The following TMTC2 variants were observed in gnomAD, a reference collection of about 807,000 sequenced individuals.
The protein encoded by TMTC2 is transmembrane O-mannosyltransferase targeting cadherins 2, also known as protein O-mannosyl-transferase TMTC2.
TMTC2 carries 43 observed loss-of-function variants against 82.4 expected under a neutral mutation model. The observed-to-expected ratio is 0.52, with a 90% confidence interval of 0.41 to 0.67. The LOEUF (loss-of-function observed/expected upper bound fraction) is 0.67. TMTC2 is among the 30% of genes least tolerant of loss of function. TMTC2 has a pLI of 0.00. For missense variants in TMTC2, 919 were observed against 1,012.4 expected, an observed-to-expected ratio of 0.91 and a Z score of 1.25; for synonymous variants, 408 against 381.9, an observed-to-expected ratio of 1.07 and a Z score of -0.80.
chr12:82,949,363 T>C (rs1877221489), intron 4 of TMTC2, among the ~76,000 whole-genome samples: 1 of 152,212 alleles, frequency 6.6e-6, no homozygotes, highest in African/African-American at 2.4e-5. Flanking sequence ...TCCCAGAGGA[T>C]GAAGGAAATA....
At chr12:82,750,061 T>C (rs559269772) in intron 1 of TMTC2, among the ~76,000 whole-genome samples, 4 of 152,164 alleles carry the variant, frequency 2.6e-5, no homozygotes, top group African/African-American at 7.2e-5. Flanking sequence ...TTTTCAATCC[T>C]GTTTTGAAGA....
rs79623206 is a variant in TMTC2, at chr12:83,047,742, G to A, written c.2153-3162G>A. On this transcript the variant is annotated intron_variant, in intron 9 of 11. Transcript: ENST00000321196. Reference sequence around the variant, plus strand: ...CCCTACTAAAAATTATATGTTCCATGTAGTTTTTGGAAATTGTTTACAAAG... The same window carrying A: ...CCCTACTAAAAATTATATGTTCCATATAGTTTTTGGAAATTGTTTACAAAG... 6.1e-3 allele frequency among the ~76,000 whole-genome samples: 929 copies of A among 152,304 alleles called. 6 individuals carry two copies. The highest frequency in any genetic ancestry group is 0.021 in the African/African-American group (876 of 41,568).
Position 82,930,198 on chromosome 12 carries a change from C to T in TMTC2, c.1484-233C>T, listed in dbSNP as rs191459918. Among the ~76,000 whole-genome samples the T allele has an allele frequency of 1.4e-3, 211 of 152,276 alleles. 1 individual carries two copies. The highest frequency in any genetic ancestry group is 4.9e-3 in the African/African-American group (205 of 41,560). Reference sequence around the variant, plus strand: ...ACATTGTTCTTGGCCTTATGATGAACTGTATATGTATATCTGCTTTGAGAC... The same window carrying T: ...ACATTGTTCTTGGCCTTATGATGAATTGTATATGTATATCTGCTTTGAGAC... On this transcript the variant is annotated intron_variant, in intron 3 of 11. Coordinates refer to ENST00000321196, the MANE Select transcript of TMTC2 (RefSeq NM_152588.3).
chr12:82,700,589 A>T (rs1319321169), intron 1 of TMTC2, among the ~76,000 whole-genome samples: 1 of 152,182 alleles, frequency 6.6e-6, no homozygotes, highest in Non-Finnish European at 1.5e-5. Flanking sequence ...TTTTACCATT[A>T]TACACACACA....
intron 7 of TMTC2, among the ~76,000 whole-genome samples, chr12:82,980,703 A>G (rs538366669): frequency 1.9e-4 from 29 of 151,938 alleles, no homozygotes; most frequent in Middle Eastern, 3.4e-3. Context: ...AAAGTTCTAA[A>G]ACGTGTATAA....
chr12:82,749,233 C>T (rs1375460997), intron 1 of TMTC2, among the ~76,000 whole-genome samples: 1 of 152,186 alleles, frequency 6.6e-6, no homozygotes, highest in East Asian at 1.9e-4. Flanking sequence ...CCTTCTTTTC[C>T]TGCCTTGGGG....
intron 7 of TMTC2, among the ~76,000 whole-genome samples, chr12:82,975,897 T>TA (rs3068096): frequency 4.2e-4 from 64 of 151,600 alleles, no homozygotes; most frequent in African/African-American, 1.5e-3. Context: ...AACTTTTTTT[T>TA]AAAAAAAAAA....
rs573540781 is a variant in TMTC2 at position 82,874,169 on chromosome 12, G to A, written c.654+16589G>A. ...GACATTTGAGAGAAGTTGTGATTTC[G>A]TAGATAAAGGGAACATGCTGTGAAA... On this transcript the variant is annotated intron_variant, in intron 2 of 11. Coordinates refer to ENST00000321196, the MANE Select transcript of TMTC2 (RefSeq NM_152588.3). 5.3e-5 allele frequency among the ~76,000 whole-genome samples: 8 copies of A among 152,284 alleles called. 1 individual carries two copies. Among genetic ancestry groups the A allele is most frequent in the East Asian group, 1.9e-4 (1 of 5,186 alleles).
At chr12:83,111,440 A>G (rs1207180532) in intron 11 of TMTC2, among the ~76,000 whole-genome samples, 1 of 152,204 alleles carries the variant, frequency 6.6e-6, no homozygotes, top group Admixed American at 6.5e-5. Flanking sequence ...CTTTATGGCC[A>G]CTTAAATTTG....
In TMTC2 at chr12:82,856,811, A is replaced by G. The variant is rs113426186; in HGVS notation, c.84-199A>G. On this transcript the variant is annotated intron_variant, in intron 1 of 11. Coordinates refer to ENST00000321196, the MANE Select transcript of TMTC2 (RefSeq NM_152588.3). ...ATTTCAACAAGGAAGGAAGCTTTTA[A>G]GGAAGAGAAAAACAACCCTCATTGT... Among the ~76,000 whole-genome samples the G allele has an allele frequency of 4.1e-3, 629 of 152,272 alleles. 3 individuals carry two copies. The highest frequency in any genetic ancestry group is 0.014 in the African/African-American group (589 of 41,558).
At chr12:82,838,494 GT>G (rs544159548) in intron 1 of TMTC2, among the ~76,000 whole-genome samples, 166 of 152,332 alleles carry the variant, frequency 1.1e-3, no homozygotes, top group African/African-American at 3.6e-3. Context: ...ACAGTTTAAT[GT>G]GCTAACACTG....
rs1269226317 is a variant in TMTC2, at chr12:82,687,442, G to C, written c.-145G>C. On this transcript the variant is annotated 5_prime_UTR_variant, in exon 1 of 12. Coordinates refer to ENST00000321196, the MANE Select transcript of TMTC2 (RefSeq NM_152588.3). ...GAGGAGAGGAGTCGTGGATTGGAAG[G>C]ACCCGAGGGAGGGAGGGTGGGGAAG... The C allele has an allele frequency of 4.2e-6, 3 of 707,762 alleles. No individual in the cohort carries two copies. The highest frequency in any genetic ancestry group is 4.7e-5 in the Admixed American group (2 of 42,888). The allele number at this position is 707,762 out of a possible 1,614,324, so 43.8% of individuals were successfully genotyped here.
intron 8 of TMTC2, among the ~76,000 whole-genome samples, chr12:83,007,001 T>C (rs200029831): frequency 6.6e-6 from 1 of 152,100 alleles, no homozygotes; most frequent in East Asian, 1.9e-4. Flanking sequence ...GACGAGTTGA[T>C]GGGTGCTGCA....
At chr12:83,001,599 C>A (rs1246200957) in intron 8 of TMTC2, among the ~76,000 whole-genome samples, 1 of 145,782 alleles carries the variant, frequency 6.9e-6, no homozygotes, top group Non-Finnish European at 1.5e-5. Flanking sequence ...CATGCCATTG[C>A]ACTCCAGCCT....
chr12:82,843,906 C>T (rs1870485462), intron 1 of TMTC2, among the ~76,000 whole-genome samples: 1 of 152,118 alleles, frequency 6.6e-6, no homozygotes, highest in Non-Finnish European at 1.5e-5. Context: ...CATGATCACA[C>T]CACTGCACTC....
intron 1 of TMTC2, among the ~76,000 whole-genome samples, chr12:82,818,864 G>A (rs1357583119): frequency 6.6e-6 from 1 of 152,120 alleles, no homozygotes; most frequent in Admixed American, 6.5e-5. Context: ...GTCACTTGAA[G>A]TCCAGATGGG....
chr12:83,010,773 C>T (rs1298013060), intron 8 of TMTC2, among the ~76,000 whole-genome samples: 1 of 151,906 alleles, frequency 6.6e-6, no homozygotes, highest in Non-Finnish European at 1.5e-5. Flanking sequence ...TTTTATTTTC[C>T]CATCGCACAA....
intron 11 of TMTC2, among the ~76,000 whole-genome samples, chr12:83,083,665 C>A (rs749345152): frequency 6.6e-6 from 1 of 152,284 alleles, no homozygotes. Flanking sequence ...TCTGTGCCAA[C>A]TTCTTGTGCT....
At chr12:82,818,938 G>A (rs1193600177) in intron 1 of TMTC2, among the ~76,000 whole-genome samples, 6 of 151,192 alleles carry the variant, frequency 4.0e-5, no homozygotes, top group Admixed American at 2.0e-4. Context: ...GCACTATTGT[G>A]TATTTTTTTT....
Sources: allele counts gnomAD v4.1 joint callset (sites outside exome capture counted in the v4.1 genomes callset), GRCh38; gene constraint gnomAD v4.1.1; transcripts MANE v1.5; gene names NCBI Gene and HGNC (gene_info 2026-07-23, HGNC 2026-07-21).